The following COL12A1 variants were observed in gnomAD, a reference collection of about 807,000 sequenced individuals.
COL12A1 encodes collagen alpha-1(XII) chain.
A neutral mutation model predicts 349.7 loss-of-function variants in COL12A1; 114 were observed. The observed-to-expected ratio is 0.33, with a 90% CI of 0.28 to 0.38. The LOEUF is 0.38. COL12A1 is among the 10% of genes least tolerant of loss of function. The pLI, the probability that COL12A1 is intolerant of heterozygous loss-of-function variation, is 1.00. For missense variants in COL12A1, 3,284 were observed against 3,756.9 expected, an observed-to-expected ratio of 0.87 and a Z score of 3.29; for synonymous variants, 1,369 against 1,329.0, an observed-to-expected ratio of 1.03 and a Z score of -0.66.
chr6:75,091,282 T>C (rs1410021907), intron 62 of COL12A1, 41 bp downstream of exon 62: 1 of 1,550,376 alleles, frequency 6.5e-7, no homozygotes, highest in East Asian at 2.2e-5. Flanking sequence ...CTGCAATTAA[T>C]TTTAAAACAA....
At chr6:75,135,269 A>G (rs1029233135) in intron 31 of COL12A1, among the ~76,000 whole-genome samples, 9 of 152,218 alleles carry the variant, frequency 5.9e-5, no homozygotes, top group African/African-American at 1.9e-4. Context: ...CCTTTTTAAC[A>G]GATGTTTTTA....
At chr6:75,123,768 T>C (rs759108953) in intron 42 of COL12A1, among the ~76,000 whole-genome samples, 180 bp downstream of exon 42, 6 of 152,134 alleles carry the variant, frequency 3.9e-5, no homozygotes, top group Non-Finnish European at 5.9e-5. Context: ...AACTTGCAAA[T>C]TGCTACAGAA....
rs35820717 is a variant in COL12A1, at chr6:75,200,945, C to CA, written c.73+1774dup. On this transcript the variant is annotated intron_variant, in intron 2 of 65. Coordinates refer to ENST00000322507, the MANE Select transcript of COL12A1 (RefSeq NM_004370.6). ...ACAAGAAAAGACACAGATTAAGAAG[C>CA]AAAAAAAAAAAGAGCTGTACCATAT... Among the ~76,000 whole-genome samples, 250 of 127,332 alleles carry CA rather than the reference C, an allele frequency of 2.0e-3. 1 individual carries two copies. The highest frequency in any genetic ancestry group is 3.2e-3 in the African/African-American group (113 of 35,200). 83.5% of individuals were successfully genotyped at this position (127,332 alleles called of 152,430 possible).
rs183552058 is a variant in COL12A1 at position 75,128,050 on chromosome 6, G to A, written c.6340+246C>T. On this transcript the variant is annotated intron_variant, in intron 38 of 65. Transcript: ENST00000322507. Reference sequence around the variant, plus strand: ...AAGAAGAAATAAAACTATCTTAAGCGAATAAAAATATGTACATGGTCTTCT... The same window carrying A: ...AAGAAGAAATAAAACTATCTTAAGCAAATAAAAATATGTACATGGTCTTCT... 7.0e-4 allele frequency among the ~76,000 whole-genome samples: 106 copies of A among 152,154 alleles called. No homozygotes were observed. The Middle Eastern group carries it at 0.014, about 20-fold the overall frequency.
In COL12A1 at chr6:75,115,775, C is replaced by T. The variant is rs772047565; in HGVS notation, c.7697+9G>A. 1 of 1,584,136 alleles carries T rather than the reference C, an allele frequency of 6.3e-7. No homozygotes were observed. Among genetic ancestry groups the T allele is most frequent in the Admixed American group, 1.9e-5 (1 of 52,054 alleles). ...TAAGAAAAGGAAAACCTCCTGTTGTCACACTTACGCTGTAGGCTGATTCAC... is the reference window on the plus strand; with the variant it reads ...TAAGAAAAGGAAAACCTCCTGTTGTTACACTTACGCTGTAGGCTGATTCAC... On this transcript the variant is annotated intron_variant, in intron 49 of 65. Coordinates refer to ENST00000322507, the MANE Select transcript of COL12A1 (RefSeq NM_004370.6).
chr6:75,157,050 A>G (rs1767802866), intron 14 of COL12A1, among the ~76,000 whole-genome samples: 1 of 152,184 alleles, frequency 6.6e-6, no homozygotes, highest in African/African-American at 2.4e-5. Context: ...TAACACTTCA[A>G]AATATCTCAG....
chr6:75,100,571 C>T (rs1157438971), intron 58 of COL12A1, among the ~76,000 whole-genome samples: 1 of 152,076 alleles, frequency 6.6e-6, no homozygotes, highest in Non-Finnish European at 1.5e-5. Context: ...CCAGAAAATA[C>T]AGTTTTCTCT....
chr6:75,180,548 A>G (rs1285134339), intron 11 of COL12A1, among the ~76,000 whole-genome samples: 3 of 152,006 alleles, frequency 2.0e-5, no homozygotes, highest in African/African-American at 7.2e-5. Flanking sequence ...AATAATTTAT[A>G]ATATACTTAT....
rs200712322 is a variant in COL12A1, at chr6:75,102,659, G to A, written c.8353C>T (p.Pro2785Ser). ...GGGCCTGGAGGACCCTGGGGGCCTG[G>A]AGGACCTATGTCTCCACGAGGACCA... ...PPGPRGDIGPPGPQGPPGPQG... is the reference protein window; with the variant it reads ...PPGPRGDIGPSGPQGPPGPQG... Residue 2785 changes from proline to serine, a missense_variant, in exon 56 of 66, where the codon CCA becomes TCA. Physicochemically the swap from Pro to Ser is moderately conservative, Grantham distance 74. This residue lies in a region of COL12A1 where 683 missense variants were observed against 932.1 expected (regional missense o/e 0.73). Transcript: ENST00000322507. 3 of 1,573,450 alleles carry A rather than the reference G, an allele frequency of 1.9e-6. No individual in the cohort carries two copies. Among genetic ancestry groups the A allele is most frequent in the Admixed American group, 1.9e-5 (1 of 53,280 alleles).
intron 13 of COL12A1, among the ~76,000 whole-genome samples, chr6:75,167,645 A>G (rs1269865584): frequency 6.6e-6 from 1 of 152,202 alleles, no homozygotes; most frequent in African/African-American, 2.4e-5. Flanking sequence ...AACACAGGCT[A>G]ATGATTTCAC....
At chr6:75,117,768 A>G in intron 46 of COL12A1, 1 of 459,698 alleles carries the variant, frequency 2.2e-6, no homozygotes. Context: ...CTAAGATAAA[A>G]TCCCAACAAT....
intron 8 of COL12A1, among the ~76,000 whole-genome samples, chr6:75,185,353 C>T (rs745434136): frequency 3.9e-5 from 6 of 152,048 alleles, no homozygotes; most frequent in Non-Finnish European, 7.4e-5. Context: ...AAATCAGGAA[C>T]GAAATCCCAT....
intron 43 of COL12A1, among the ~76,000 whole-genome samples, chr6:75,121,774 A>G (rs1765745633): frequency 6.6e-6 from 1 of 152,230 alleles, no homozygotes; most frequent in African/African-American, 2.4e-5. Flanking sequence ...AGTAGTTTTG[A>G]ACAATAAATG....
intron 11 of COL12A1, among the ~76,000 whole-genome samples, 199 bp from the exon 12 acceptor site, chr6:75,178,134 A>G (rs564882927): frequency 1.3e-5 from 2 of 152,346 alleles, no homozygotes; most frequent in South Asian, 2.1e-4. Context: ...TATGAATTCT[A>G]TAATATCCAG....
At chr6:75,159,701 CT>C (rs1412909919) in intron 14 of COL12A1, among the ~76,000 whole-genome samples, 1 of 151,522 alleles carries the variant, frequency 6.6e-6, no homozygotes, top group African/African-American at 2.4e-5. Context: ...GACATTCTCT[CT>C]CTTACAAAAT....
intron 22 of COL12A1, among the ~76,000 whole-genome samples, chr6:75,148,103 T>G (rs1582132438): frequency 6.7e-6 from 1 of 149,736 alleles, no homozygotes; most frequent in East Asian, 1.9e-4. Context: ...TCTAATTAGA[T>G]TTTAATGAAA....
intron 26 of COL12A1, among the ~76,000 whole-genome samples, chr6:75,142,540 C>A (rs1766952397): frequency 6.6e-6 from 1 of 152,104 alleles, no homozygotes; most frequent in Non-Finnish European, 1.5e-5. Context: ...GCCATTGTAC[C>A]CCTTTTAAAT....
At position 75,168,566 on chromosome 6, in the gene COL12A1, T is replaced by C. The variant is rs747053230; in HGVS notation, c.2711-2787A>G. Among the ~76,000 whole-genome samples the C allele has an allele frequency of 7.2e-5, 11 of 152,160 alleles. 1 individual carries two copies. The highest frequency in any genetic ancestry group is 2.7e-4 in the African/African-American group (11 of 41,440). Reference sequence around the variant, plus strand: ...ACTGGACTTGAACCGATAAACAGAATTGCCTGAAAAAACAAAGGCTGGACC... The same window carrying C: ...ACTGGACTTGAACCGATAAACAGAACTGCCTGAAAAAACAAAGGCTGGACC... On this transcript the variant is annotated intron_variant, in intron 13 of 65. Coordinates refer to ENST00000322507, the MANE Select transcript of COL12A1 (RefSeq NM_004370.6).
At chr6:75,123,296 C>G in intron 43 of COL12A1, 34 bp downstream of exon 43, 1 of 1,560,374 alleles carries the variant, frequency 6.4e-7, no homozygotes, top group Non-Finnish European at 8.8e-7. Context: ...AACTCCCTAT[C>G]AGCTGAACGT....
Sources: gnomAD v4.1 joint callset for allele counts (sites outside exome capture counted in the v4.1 genomes callset) on GRCh38, gnomAD v4.1.1 for gene constraint, gnomAD v4.1.1 regional missense constraint, MANE v1.5 for transcripts, NCBI Gene and HGNC (gene_info 2026-07-23, HGNC 2026-07-21) for gene names.